The following EVC variants were observed in gnomAD, a reference collection of about 807,000 sequenced individuals.
The protein encoded by EVC is evC complex member EVC.
EVC carries 116 observed loss-of-function variants against 118.9 expected under a neutral mutation model. That is an observed-to-expected ratio of 0.98 (90% confidence interval 0.84 to 1.14). The LOEUF is 1.14. Among genes scored for constraint, EVC ranks in the 50% most tolerant of loss-of-function variants. EVC has a pLI of 0.00. For synonymous variants in EVC, 619 were observed against 534.7 expected (o/e 1.16, Z -2.18); for missense variants, 1,401 against 1,246.4 (o/e 1.12, Z -1.87).
rs1219650896 is a variant in EVC at position 5,809,586 on chromosome 4, G to A, written c.2757G>A (p.Leu919=). 1.2e-6 allele frequency: 2 copies of A among 1,614,192 alleles called. No homozygotes were observed. Among genetic ancestry groups the A allele is most frequent in the South Asian group, 2.2e-5 (2 of 91,084 alleles). The part of the protein sequence containing the change: ...LARVPLAESK[L]LPAKRGLLEK... Reference sequence around the variant, plus strand: ...GAGTGCCCCTTGCTGAAAGCAAACTGTTGCCTGCTAAGCGTGGGCTGCTAG... The same window carrying A: ...GAGTGCCCCTTGCTGAAAGCAAACTATTGCCTGCTAAGCGTGGGCTGCTAG... Residue 919 remains leucine (L), a synonymous_variant, in exon 19 of 21, where the codon CTG becomes CTA. Coordinates refer to ENST00000264956, the MANE Select transcript of EVC (RefSeq NM_153717.3).
chr4:5,714,614 C>A (rs1411267431), intron 1 of EVC, among the ~76,000 whole-genome samples: 1 of 151,954 alleles, frequency 6.6e-6, no homozygotes, highest in Non-Finnish European at 1.5e-5. Flanking sequence ...CCCAACACCA[C>A]CACCACACTC....
intron 11 of EVC, among the ~76,000 whole-genome samples, chr4:5,762,826 C>T (rs201558769): frequency 1.6e-5 from 1 of 62,176 alleles, no homozygotes; most frequent in Non-Finnish European, 3.4e-5. Context: ...GAGTAGGTTG[C>T]GAAAATTTTC....
intron 12 of EVC, among the ~76,000 whole-genome samples, chr4:5,787,068 T>A (rs1484963572): frequency 6.6e-6 from 1 of 152,154 alleles, no homozygotes. Flanking sequence ...TTGTTTTCTA[T>A]CCAAAAAGAC....
At chr4:5,744,721 T>C (rs752525126) in intron 6 of EVC, among the ~76,000 whole-genome samples, 2 of 152,142 alleles carry the variant, frequency 1.3e-5, no homozygotes, top group Non-Finnish European at 2.9e-5. Context: ...TAGGCTGATA[T>C]CACACCAGAG....
intron 2 of EVC, among the ~76,000 whole-genome samples, chr4:5,724,182 G>T (rs1422116155): frequency 1.3e-5 from 2 of 152,248 alleles, no homozygotes; most frequent in Admixed American, 6.5e-5. Context: ...TAAGGTGGCT[G>T]GAGACGGCAG....
At chr4:5,726,561 C>T (rs1419185308) in intron 2 of EVC, among the ~76,000 whole-genome samples, 1 of 73,300 alleles carries the variant, frequency 1.4e-5, no homozygotes, top group Non-Finnish European at 2.5e-5. Flanking sequence ...TGAGTTTCTT[C>T]TCTTTTCTTT....
intron 13 of EVC, 33 bp downstream of exon 13, chr4:5,793,750 G>A: frequency 6.7e-7 from 1 of 1,496,028 alleles, no homozygotes; most frequent in Non-Finnish European, 9.1e-7. Flanking sequence ...CCAGGGCTTT[G>A]TGTCCTGCAT....
At chr4:5,733,322 T>G (rs1302488242) in intron 4 of EVC, 29 bp from the exon 5 acceptor site, 1 of 1,589,696 alleles carries the variant, frequency 6.3e-7, no homozygotes, top group Non-Finnish European at 8.6e-7. Context: ...ACCCTGAAAG[T>G]CTTTTCCGCT....
Position 5,775,474 on chromosome 4 carries a change from G to A in EVC, c.1564-8078G>A, listed in dbSNP as rs1577530414. Among the ~76,000 whole-genome samples the A allele has an allele frequency of 5.3e-5, 8 of 152,214 alleles. 3 individuals are homozygous for A. The highest frequency in any genetic ancestry group is 5.2e-4 in the Admixed American group (8 of 15,296). ...TTGATTTACAGTTGTAAATCTCAGAGCACATCCTGGACATTGTTGTGCAGC... is the reference window on the plus strand; with the variant it reads ...TTGATTTACAGTTGTAAATCTCAGAACACATCCTGGACATTGTTGTGCAGC... On this transcript the variant is annotated intron_variant, in intron 11 of 20. Coordinates refer to ENST00000264956, the MANE Select transcript of EVC (RefSeq NM_153717.3).
chr4:5,809,633 T>G (rs767343580), intron 19 of EVC, 22 bp downstream of exon 19: 1 of 1,607,600 alleles, frequency 6.2e-7, no homozygotes, highest in South Asian at 1.1e-5. Flanking sequence ...ATGCTTGAGT[T>G]GCAGCGGGAA....
At chr4:5,757,965 A>G in intron 11 of EVC, 1 of 627,990 alleles carries the variant, frequency 1.6e-6, no homozygotes, top group Non-Finnish European at 2.9e-6. Context: ...GAACCTCGGA[A>G]TGTGGCCACA....
chr4:5,816,212 C>T (rs1717650837), downstream of EVC, among the ~76,000 whole-genome samples: 1 of 152,174 alleles, frequency 6.6e-6, no homozygotes, highest in African/African-American at 2.4e-5. Context: ...CCGACATAGC[C>T]TGCAGTCCAG....
intron 2 of EVC, among the ~76,000 whole-genome samples, chr4:5,723,396 G>A (rs1725295002): frequency 6.6e-6 from 1 of 151,912 alleles, no homozygotes; most frequent in Non-Finnish European, 1.5e-5. Flanking sequence ...CCACCATGTT[G>A]GTCAGGCTGG....
intron 5 of EVC, among the ~76,000 whole-genome samples, chr4:5,739,361 G>A (rs1033058746): frequency 1.3e-5 from 2 of 152,180 alleles, no homozygotes; most frequent in Non-Finnish European, 2.9e-5. Flanking sequence ...AATGAAGGTT[G>A]GTGGGCAGAA....
Position 5,749,722 on chromosome 4 carries a change from G to A in EVC, c.1098+1416G>A, listed in dbSNP as rs780351185. On this transcript the variant is annotated intron_variant, in intron 8 of 20. Transcript: ENST00000264956. This position sits in a 1 kb window ranked among gnomAD's most constrained non-coding sequence, Gnocchi z 4.4. ...GATGCTGCCCTGCACCCATTTCCCC[G>A]TCCTGTGCACCAGCCCGTGTGGCAG... Among the ~76,000 whole-genome samples, 4 of 152,064 alleles carry A rather than the reference G, an allele frequency of 2.6e-5. No individual in the cohort carries two copies. The highest frequency in any genetic ancestry group is 1.9e-4 in the East Asian group (1 of 5,178).
At position 5,749,704 on chromosome 4, in the gene EVC, C is replaced by T. The variant is rs1255779534; in HGVS notation, c.1098+1398C>T. ...CCAGGGAACGAGCCCTCTGATGCTG[C>T]CCTGCACCCATTTCCCCGTCCTGTG... On this transcript the variant is annotated intron_variant, in intron 8 of 20. Coordinates refer to ENST00000264956, the MANE Select transcript of EVC (RefSeq NM_153717.3). This position sits in a 1 kb window ranked among gnomAD's most constrained non-coding sequence, Gnocchi z 4.4. Among the ~76,000 whole-genome samples the T allele has an allele frequency of 2.0e-5, 3 of 152,166 alleles. No individual in the cohort carries two copies. The highest frequency in any genetic ancestry group is 4.4e-5 in the Non-Finnish European group (3 of 68,030).
intron 11 of EVC, among the ~76,000 whole-genome samples, chr4:5,776,017 A>G (rs1195104456): frequency 6.6e-6 from 1 of 152,036 alleles, no homozygotes; most frequent in African/African-American, 2.4e-5. Context: ...TATGTAATAT[A>G]GCTGTTGTTT....
At chr4:5,714,480 A>G (rs1466534554) in intron 1 of EVC, among the ~76,000 whole-genome samples, 1 of 143,836 alleles carries the variant, frequency 7.0e-6, no homozygotes, top group Non-Finnish European at 1.5e-5. Context: ...ATGTGCCTAT[A>G]TTGCTGCTGC....
chr4:5,771,311 C>T (rs1174929565), intron 11 of EVC, among the ~76,000 whole-genome samples: 2 of 152,126 alleles, frequency 1.3e-5, no homozygotes, highest in Admixed American at 6.5e-5. Context: ...AGGGCCCTTT[C>T]TTCCATCTTC....
Sources: gnomAD v4.1 joint callset for allele counts (sites outside exome capture counted in the v4.1 genomes callset) on GRCh38, gnomAD v4.1.1 for gene constraint, Gnocchi (gnomAD v3.1) non-coding constraint, MANE v1.5 for transcripts, NCBI Gene and HGNC (gene_info 2026-07-23, HGNC 2026-07-21) for gene names.